The following RANGAP1 variants were observed in gnomAD, a reference collection of about 807,000 sequenced individuals.
RANGAP1 encodes Ran GTPase activating protein 1.
RANGAP1 carries 38 observed loss-of-function variants against 63.5 expected under a neutral mutation model. The ratio of observed to expected loss-of-function variants is 0.60; its 90% CI spans 0.46 to 0.78. The LOEUF (loss-of-function observed/expected upper bound fraction) is 0.78, where lower values mean the gene tolerates loss of function less well. Among genes scored for constraint, RANGAP1 ranks in the 30% least tolerant of loss-of-function variants. RANGAP1 has a pLI of 0.00. For missense variants in RANGAP1, 630 were observed against 740.3 expected (o/e 0.85, Z 1.73); for synonymous variants, 329 against 310.5 (o/e 1.06, Z -0.63).
At chr22:41,294,415 C>G in the RANGAP1 span, among the ~76,000 whole-genome samples, 1 of 151,942 alleles carries the variant, frequency 6.6e-6, no homozygotes, top group Non-Finnish European at 1.5e-5. Context: ...CCTCCACCTC[C>G]CAGCAGCCTG....
intron 4 of RANGAP1, 143 bp downstream of exon 4, chr22:41,267,954 G>A: frequency 1.2e-6 from 1 of 834,644 alleles, no homozygotes; most frequent in Admixed American, 2.3e-5. Flanking sequence ...GGCACGTGCT[G>A]GACTTGCCGG....
chr22:41,277,366 C>A (rs2035218107), intron 2 of RANGAP1: 2 of 852,700 alleles, frequency 2.3e-6, no homozygotes, highest in South Asian at 3.3e-5. Context: ...GCGTGAGCCA[C>A]CGCGCCCGGC....
intron 3 of RANGAP1, among the ~76,000 whole-genome samples, chr22:41,268,579 T>C (rs534892561): frequency 1.3e-5 from 2 of 152,032 alleles, no homozygotes; most frequent in African/African-American, 4.8e-5. Flanking sequence ...TGAGCTTTGT[T>C]TGTAAAAAGC....
chr22:41,279,766 C>T (rs1425522218), intron 2 of RANGAP1, among the ~76,000 whole-genome samples: 2 of 148,222 alleles, frequency 1.3e-5, no homozygotes, highest in South Asian at 4.3e-4. Flanking sequence ...CGCACCACTA[C>T]ACTCCAGCCT....
chr22:41,274,794 T>G, intron 2 of RANGAP1, 67 bp from the exon 3 acceptor site: 3 of 1,594,814 alleles, frequency 1.9e-6, no homozygotes, highest in Non-Finnish European at 2.6e-6. Context: ...AGGAGAGAGG[T>G]TGGCAACCAC....
At chr22:41,293,956 C>G in the RANGAP1 span, among the ~76,000 whole-genome samples, 1 of 152,028 alleles carries the variant, frequency 6.6e-6, no homozygotes, top group African/African-American at 2.4e-5. Flanking sequence ...AGCCACCGTG[C>G]CTGGCCCACC....
the RANGAP1 span, among the ~76,000 whole-genome samples, chr22:41,300,422 G>A: frequency 3.2e-3 from 248 of 78,716 alleles, 2 homozygotes; most frequent in Non-Finnish European, 5.5e-3. Flanking sequence ...AGGGGGTATT[G>A]GGAACTCACA....
intron 2 of RANGAP1, among the ~76,000 whole-genome samples, chr22:41,278,015 A>G (rs900242222): frequency 6.8e-6 from 1 of 146,772 alleles, no homozygotes; most frequent in Admixed American, 6.9e-5. Flanking sequence ...AACTGGATGG[A>G]TTTCAGAGCC....
chr22:41,281,059 T>C lies in RANGAP1; in HGVS notation c.-15A>G. ...TCCGAGGCCATGTTGACTAGGCTGGTGGGCTCCCCTGGAGATCTGCAGACT... is the reference window on the plus strand; with the variant it reads ...TCCGAGGCCATGTTGACTAGGCTGGCGGGCTCCCCTGGAGATCTGCAGACT... On this transcript the variant is annotated 5_prime_UTR_variant, in exon 2 of 16. Transcript: ENST00000356244. 6.3e-7 allele frequency: 1 copy of C among 1,577,548 alleles called. No individual in the cohort carries two copies. Among genetic ancestry groups the C allele is most frequent in the Non-Finnish European group, 8.6e-7 (1 of 1,165,414 alleles).
At chr22:41,298,245 C>G in the RANGAP1 span, among the ~76,000 whole-genome samples, 2 of 152,164 alleles carry the variant, frequency 1.3e-5, no homozygotes, top group Non-Finnish European at 2.9e-5. Context: ...TCGTGACCCA[C>G]CCGCCTTGGC....
At chr22:41,251,624 T>A (rs1252803048) in intron 12 of RANGAP1, among the ~76,000 whole-genome samples, 1 of 139,042 alleles carries the variant, frequency 7.2e-6, no homozygotes, top group Non-Finnish European at 1.5e-5. Context: ...AAACATTGTC[T>A]CAGAAAAAAA....
Position 41,280,986 on chromosome 22 carries a change from C to A in RANGAP1, c.59G>T (p.Gly20Val). ...AETLAKTQVAGGQLSFKGKSL... is the reference protein window; with the variant it reads ...AETLAKTQVAVGQLSFKGKSL... ...CTTGCCTTTGAAACTCAGCTGTCCC[C>A]CGGCCACCTGAGTCTTGGCAAGTGT... The change falls in exon 2 of 16, where the codon GGG (glycine) becomes GTG (valine). Residue 20 changes from glycine to valine, a missense_variant. Physicochemically the swap from Gly to Val is moderately radical, Grantham distance 109. Coordinates refer to ENST00000356244, the MANE Select transcript of RANGAP1 (RefSeq NM_002883.4). The A allele has an allele frequency of 1.2e-6, 2 of 1,613,664 alleles. No homozygotes were observed. The highest frequency in any genetic ancestry group is 1.7e-6 in the Non-Finnish European group (2 of 1,179,868).
intron 13 of RANGAP1, 120 bp downstream of exon 13, chr22:41,250,887 C>G: frequency 3.9e-6 from 3 of 769,664 alleles, no homozygotes; most frequent in Middle Eastern, 4.8e-4. Flanking sequence ...ACTCAGGTGG[C>G]CAAAGAGCAG....
At chr22:41,270,376 C>A (rs573179006) in intron 3 of RANGAP1, among the ~76,000 whole-genome samples, 1 of 152,312 alleles carries the variant, frequency 6.6e-6, no homozygotes, top group South Asian at 2.1e-4. Flanking sequence ...AACTCCTGAC[C>A]TCAGGTGATC....
chr22:41,293,001 C>T, the RANGAP1 span, among the ~76,000 whole-genome samples: 4 of 151,566 alleles, frequency 2.6e-5, no homozygotes, highest in East Asian at 1.9e-4. Context: ...TTTGGGAGGC[C>T]GAGGCGGGCG....
At position 41,269,210 on chromosome 22, in the gene RANGAP1, C is replaced by T. The variant is rs1386648821; in HGVS notation, c.241-1054G>A. Among the ~76,000 whole-genome samples the T allele has an allele frequency of 2.6e-5, 4 of 151,956 alleles. No homozygotes were observed. In the East Asian group the frequency reaches 7.7e-4, roughly 29 times the overall value. ...TCCTCCCACCTTAGCCTCCACAGTA[C>T]CTGCTATTACAGGCATGTGACACCA... On this transcript the variant is annotated intron_variant, in intron 3 of 15. Coordinates refer to ENST00000356244, the MANE Select transcript of RANGAP1 (RefSeq NM_002883.4).
intron 1 of RANGAP1, chr22:41,285,542 ACATCGATTC>A: frequency 1.0e-6 from 1 of 985,446 alleles, no homozygotes; most frequent in Non-Finnish European, 1.2e-6. Context: ...GCAGTGACTC[ACATCGATTC>A]CAGGGACAGC....
intron 6 of RANGAP1, among the ~76,000 whole-genome samples, chr22:41,259,985 AAC>A (rs1247313075): frequency 2.0e-5 from 3 of 151,590 alleles, no homozygotes; most frequent in Admixed American, 6.6e-5. Context: ...CAGCCTGGGC[AAC>A]AGAGCGAGAC....
At chr22:41,298,916 G>A in the RANGAP1 span, among the ~76,000 whole-genome samples, 4 of 152,256 alleles carry the variant, frequency 2.6e-5, no homozygotes, top group Admixed American at 2.6e-4. Context: ...CCACGACCAG[G>A]GTCCCAGCAT....
Sources: allele counts gnomAD v4.1 joint callset (sites outside exome capture counted in the v4.1 genomes callset), GRCh38; gene constraint gnomAD v4.1.1; transcripts MANE v1.5; gene names NCBI Gene and HGNC (gene_info 2026-07-23, HGNC 2026-07-21).